UST: variants seen among roughly 807,000 people sequenced by gnomAD.
UST encodes the protein uronyl 2-sulfotransferase, also known as chondroitin sulfate 2-O-sulfotransferase.
Under a neutral mutation model 45.6 loss-of-function variants are expected in UST, and 21 were observed. The observed-to-expected ratio is 0.46, with a 90% CI of 0.33 to 0.66. The LOEUF is 0.66. Among genes scored for constraint, UST ranks in the 30% least tolerant of loss-of-function variants. The pLI is 0.02. For synonymous variants in UST, 215 were observed against 200.6 expected (o/e 1.07, Z -0.61); for missense variants, 463 against 512.4 (o/e 0.90, Z 0.93).
chr6:148,865,396 G>A (rs1466986953), intron 1 of UST, among the ~76,000 whole-genome samples: 1 of 152,220 alleles, frequency 6.6e-6, no homozygotes, highest in African/African-American at 2.4e-5. Context: ...AATGAATCAA[G>A]TGTTGCATTT....
At chr6:149,043,004 T>TTTC (rs1776341048) in intron 7 of UST, among the ~76,000 whole-genome samples, 1 of 116,290 alleles carries the variant, frequency 8.6e-6, no homozygotes. Flanking sequence ...TCTTTCTTTC[T>TTTC]TTCTTTCTTT....
chr6:148,973,782 C>CA (rs1562317632), intron 5 of UST, among the ~76,000 whole-genome samples: 3 of 152,248 alleles, frequency 2.0e-5, no homozygotes, highest in Admixed American at 2.0e-4. Flanking sequence ...ACGTGTTCTT[C>CA]AAAATATTTT....
intron 1 of UST, among the ~76,000 whole-genome samples, chr6:148,869,857 C>G (rs1329891778): frequency 6.6e-6 from 1 of 152,160 alleles, no homozygotes; most frequent in East Asian, 1.9e-4. Context: ...GTGGAAGACA[C>G]AGTCATGACC....
chr6:148,969,594 A>C (rs372627741), intron 5 of UST, among the ~76,000 whole-genome samples: 5 of 152,110 alleles, frequency 3.3e-5, no homozygotes, highest in African/African-American at 1.2e-4. Context: ...AAACTCTCCA[A>C]AACACATTTC....
Position 149,002,600 on chromosome 6 carries a change from G to A in UST, c.682-16539G>A, listed in dbSNP as rs551143344. 1.1e-4 allele frequency among the ~76,000 whole-genome samples: 16 copies of A among 152,148 alleles called. No individual in the cohort carries two copies. In the South Asian group the frequency reaches 1.2e-3, roughly 12 times the overall value. On this transcript the variant is annotated intron_variant, in intron 5 of 7. Coordinates refer to ENST00000367463, the MANE Select transcript of UST (RefSeq NM_005715.3). ...CAGCTCACTGCAACCTCCGCCTCCC[G>A]GGTTCAAGCAATTCTCCTGTCTCAG...
intron 7 of UST, among the ~76,000 whole-genome samples, chr6:149,022,966 G>C (rs954606653): frequency 6.6e-6 from 1 of 152,180 alleles, no homozygotes; most frequent in Non-Finnish European, 1.5e-5. Flanking sequence ...AGTTTGATGT[G>C]ACTGATTTTT....
Position 148,747,324 on chromosome 6 carries a change from C to G in UST, c.-107C>G, listed in dbSNP as rs1386361709. ...TCCCCGCCCCCACCCGGCTGCCCTCCGCGCGGCCCTCCCCATGTGCAGCCG... is the reference window on the plus strand; with the variant it reads ...TCCCCGCCCCCACCCGGCTGCCCTCGGCGCGGCCCTCCCCATGTGCAGCCG... On this transcript the variant is annotated 5_prime_UTR_variant, in exon 1 of 8. Transcript: ENST00000367463. 2.3e-5 allele frequency: 30 copies of G among 1,293,264 alleles called. No individual in the cohort carries two copies. The highest frequency in any genetic ancestry group is 2.8e-5 in the Non-Finnish European group (28 of 1,009,736). 80.1% of individuals were successfully genotyped at this position (1,293,264 alleles called of 1,614,324 possible).
chr6:149,015,399 A>T (rs1187747105), intron 5 of UST, among the ~76,000 whole-genome samples: 1 of 152,170 alleles, frequency 6.6e-6, no homozygotes, highest in African/African-American at 2.4e-5. Flanking sequence ...TTCCCTAATA[A>T]TGCAAAATCT....
intron 1 of UST, among the ~76,000 whole-genome samples, chr6:148,869,886 G>A (rs1050616623): frequency 1.3e-5 from 2 of 152,098 alleles, no homozygotes; most frequent in African/African-American, 4.8e-5. Flanking sequence ...CAGGCCATGG[G>A]CCAGAAACCC....
chr6:148,761,722 T>C (rs1776225974), intron 1 of UST, among the ~76,000 whole-genome samples: 1 of 152,192 alleles, frequency 6.6e-6, no homozygotes, highest in Non-Finnish European at 1.5e-5. Context: ...GGCCCGGGGA[T>C]TGTGGTGTGG....
At chr6:148,955,340 G>T (rs1040978744) in intron 4 of UST, among the ~76,000 whole-genome samples, 1 of 152,250 alleles carries the variant, frequency 6.6e-6, no homozygotes, top group Non-Finnish European at 1.5e-5. Flanking sequence ...AGCAGGTCCT[G>T]TGCAAGTTAA....
At chr6:148,952,587 A>G (rs575602389) in intron 3 of UST, among the ~76,000 whole-genome samples, 1 of 152,182 alleles carries the variant, frequency 6.6e-6, no homozygotes, top group Non-Finnish European at 1.5e-5. Context: ...GAGCACTTAT[A>G]TATGTGTCAG....
chr6:149,060,294 A>G (rs1339249046), intron 7 of UST, among the ~76,000 whole-genome samples: 4 of 152,142 alleles, frequency 2.6e-5, no homozygotes, highest in Non-Finnish European at 5.9e-5. Flanking sequence ...GGCAGCCATG[A>G]AGTGCTTTTT....
chr6:148,771,013 G>C (rs1562562728), intron 1 of UST, among the ~76,000 whole-genome samples: 1 of 152,122 alleles, frequency 6.6e-6, no homozygotes, highest in Non-Finnish European at 1.5e-5. Context: ...TAGTAGAACA[G>C]AGTGATGTCA....
chr6:148,843,030 C>G (rs1381835188), intron 1 of UST, among the ~76,000 whole-genome samples: 1 of 152,198 alleles, frequency 6.6e-6, no homozygotes, highest in Non-Finnish European at 1.5e-5. Context: ...CCTGAAGATT[C>G]CTGTAGCTAA....
chr6:149,041,066 C>T (rs17669546), intron 7 of UST, among the ~76,000 whole-genome samples: 47,512 of 152,158 alleles, frequency 0.31, 7,838 homozygotes, highest in Non-Finnish European at 0.36. Context: ...TTTCCCAGGT[C>T]GGCCTTGAAA....
chr6:149,054,693 AG>A (rs1228390077), intron 7 of UST, among the ~76,000 whole-genome samples: 1 of 152,204 alleles, frequency 6.6e-6, no homozygotes, highest in East Asian at 1.9e-4. Flanking sequence ...TGAAATTAGA[AG>A]CCTTTGGCAA....
chr6:148,932,557 A>G (rs1006256858), intron 2 of UST, among the ~76,000 whole-genome samples: 1 of 152,140 alleles, frequency 6.6e-6, no homozygotes, highest in Non-Finnish European at 1.5e-5. Context: ...ATTTGAAAAT[A>G]TTCATCTTTT....
At chr6:149,048,138 A>G (rs187034433) in intron 7 of UST, among the ~76,000 whole-genome samples, 1 of 137,004 alleles carries the variant, frequency 7.3e-6, no homozygotes, top group African/African-American at 2.6e-5. Context: ...TTTTTTTTTT[A>G]ATGAAAATAT....
Sources: allele counts gnomAD v4.1 joint callset (sites outside exome capture counted in the v4.1 genomes callset), GRCh38; gene constraint gnomAD v4.1.1; transcripts MANE v1.5; gene names NCBI Gene and HGNC (gene_info 2026-07-23, HGNC 2026-07-21).